The following SGCD variants were observed in gnomAD, a reference collection of about 807,000 sequenced individuals.
SGCD encodes sarcoglycan delta, also known as delta-sarcoglycan.
In SGCD, 18 loss-of-function variants were observed where a neutral mutation model predicts 36.6. The observed-to-expected ratio is 0.49, with a 90% CI of 0.34 to 0.73. The LOEUF (loss-of-function observed/expected upper bound fraction) is 0.73, where lower values mean the gene tolerates loss of function less well. Ranked by LOEUF, SGCD falls within the 30% of genes least tolerant of loss-of-function variation. SGCD has a pLI of 0.01. For synonymous variants in SGCD, 133 were observed against 130.6 expected (o/e 1.02, Z -0.12); for missense variants, 387 against 346.7 (o/e 1.12, Z -0.92).
At chr5:155,993,084 A>G (rs1758467295) in intron 1 of SGCD, among the ~76,000 whole-genome samples, 1 of 152,090 alleles carries the variant, frequency 6.6e-6, no homozygotes, top group African/African-American at 2.4e-5. Context: ...AAACCAGCCA[A>G]TCCTAAGCCT....
At chr5:156,198,624 G>A (rs910222543) in intron 3 of SGCD, among the ~76,000 whole-genome samples, 1 of 152,054 alleles carries the variant, frequency 6.6e-6, no homozygotes, top group African/African-American at 2.4e-5. Context: ...GTGGACCATG[G>A]TCCTCCATGT....
chr5:156,478,778 G>A (rs140795445), intron 3 of SGCD, among the ~76,000 whole-genome samples: 1,760 of 151,992 alleles, frequency 0.012, 36 homozygotes, highest in African/African-American at 0.041. Context: ...ACGGGGTTTT[G>A]CCATGTTGGC....
chr5:156,632,910 A>G (rs1308492133), intron 6 of SGCD, among the ~76,000 whole-genome samples: 2 of 152,158 alleles, frequency 1.3e-5, no homozygotes, highest in African/African-American at 4.8e-5. Context: ...AACAGAATCC[A>G]CCCCAGCTAG....
At chr5:156,593,761 A>G (rs978544746) in intron 5 of SGCD, among the ~76,000 whole-genome samples, 13 of 152,166 alleles carry the variant, frequency 8.5e-5, no homozygotes, top group African/African-American at 3.1e-4. Flanking sequence ...TTGTTCAACA[A>G]CAGGTGTGTT....
intron 1 of SGCD, among the ~76,000 whole-genome samples, chr5:156,019,210 A>C (rs1207108636): frequency 6.6e-6 from 1 of 152,220 alleles, no homozygotes; most frequent in Non-Finnish European, 1.5e-5. Flanking sequence ...TGAAAACTTC[A>C]CTTGAAACAT....
At chr5:156,074,124 A>C (rs1001060078) in intron 1 of SGCD, among the ~76,000 whole-genome samples, 3 of 152,210 alleles carry the variant, frequency 2.0e-5, no homozygotes, top group Admixed American at 2.0e-4. Flanking sequence ...TGGTTTATAT[A>C]AATGTTTACT....
intron 3 of SGCD, among the ~76,000 whole-genome samples, chr5:156,237,231 C>A (rs564541902): frequency 6.6e-6 from 1 of 152,294 alleles, no homozygotes; most frequent in South Asian, 2.1e-4. Context: ...TCAAATGTGA[C>A]TGGAAAAGTC....
At position 156,289,173 on chromosome 5, in the gene SGCD, A is replaced by T. The variant is rs185388311; in HGVS notation, c.-43-40361A>T. The stretch of plus-strand genomic sequence containing the variant: ...ACTGTGTGTATTGATCCCCTCGTGG[A>T]TATTCATAGCACACATTGGATACAA... On this transcript the variant is annotated intron_variant, in intron 3 of 9. Transcript: ENST00000517913. Among the ~76,000 whole-genome samples the T allele has an allele frequency of 6.5e-4, 99 of 152,284 alleles. 1 individual carries two copies. The East Asian group carries it at 0.018, about 28-fold the overall frequency.
rs77954212 is a variant in SGCD at position 156,243,227 on chromosome 5, G to T, written c.-43-86307G>T. Among the ~76,000 whole-genome samples, 367 of 152,356 alleles carry T rather than the reference G, an allele frequency of 2.4e-3. 2 individuals carry two copies. Among genetic ancestry groups the T allele is most frequent in the African/African-American group, 8.6e-3 (358 of 41,580 alleles). On this transcript the variant is annotated intron_variant, in intron 3 of 9. Transcript: ENST00000517913. Reference sequence around the variant, plus strand: ...CTCAGGGCATTAGAGCACAGGTCAGGTGAAGGAGGGCTTCCACATGGAACA... The same window carrying T: ...CTCAGGGCATTAGAGCACAGGTCAGTTGAAGGAGGGCTTCCACATGGAACA...
chr5:155,743,393 A>T, the SGCD span, among the ~76,000 whole-genome samples: 1 of 152,202 alleles, frequency 6.6e-6, no homozygotes, highest in Non-Finnish European at 1.5e-5. Context: ...TCCTCAGTCT[A>T]CAAGAATTTT....
At chr5:156,377,525 G>C (rs1460335757) in intron 3 of SGCD, among the ~76,000 whole-genome samples, 1 of 152,142 alleles carries the variant, frequency 6.6e-6, no homozygotes, top group Non-Finnish European at 1.5e-5. Flanking sequence ...ATGAAAGCAA[G>C]AATTGTTTCT....
intron 1 of SGCD, among the ~76,000 whole-genome samples, chr5:155,957,866 C>A (rs1232397860): frequency 6.6e-6 from 1 of 152,128 alleles, no homozygotes; most frequent in Non-Finnish European, 1.5e-5. Flanking sequence ...GAATATTCTG[C>A]CTACTACAGA....
chr5:156,457,211 T>C (rs762932513), intron 3 of SGCD, among the ~76,000 whole-genome samples: 1 of 152,186 alleles, frequency 6.6e-6, no homozygotes, highest in Non-Finnish European at 1.5e-5. Context: ...TCTTTAAAAA[T>C]ACAAATATTT....
At chr5:156,442,715 C>T (rs544972672) in intron 3 of SGCD, among the ~76,000 whole-genome samples, 1 of 152,268 alleles carries the variant, frequency 6.6e-6, no homozygotes, top group African/African-American at 2.4e-5. Context: ...ATTATAAATG[C>T]TTTGAATTTT....
intron 1 of SGCD, among the ~76,000 whole-genome samples, chr5:156,069,578 T>G (rs1760468577): frequency 6.6e-6 from 1 of 152,092 alleles, no homozygotes; most frequent in Non-Finnish European, 1.5e-5. Context: ...GCTTTGTTCT[T>G]TTGGCTTAGG....
chr5:156,249,018 T>C (rs966541570), intron 3 of SGCD, among the ~76,000 whole-genome samples: 8 of 152,198 alleles, frequency 5.3e-5, no homozygotes, highest in African/African-American at 1.9e-4. Context: ...TTGAGATGTA[T>C]TGAGTTCTGA....
chr5:156,074,904 A>G (rs905254511), intron 1 of SGCD, among the ~76,000 whole-genome samples: 6 of 152,212 alleles, frequency 3.9e-5, no homozygotes, highest in Non-Finnish European at 7.3e-5. Context: ...AGGGAAATGT[A>G]TAAGCACATA....
At chr5:155,829,022 A>C in the SGCD span, among the ~76,000 whole-genome samples, 10 of 152,062 alleles carry the variant, frequency 6.6e-5, no homozygotes, top group African/African-American at 2.2e-4. Context: ...TTGTCTTTGC[A>C]TGGTTCGGTC....
intron 3 of SGCD, among the ~76,000 whole-genome samples, chr5:156,423,429 A>AAATATAATATATTATATTTTATTAT (rs1773513887): frequency 2.2e-5 from 2 of 92,348 alleles, no homozygotes; most frequent in African/African-American, 8.6e-5. Context: ...TATTTTAATA[A>AAATATAATATATTATATTTTATTAT]AATATAATAT....
Sources: gnomAD v4.1 joint callset for allele counts (sites outside exome capture counted in the v4.1 genomes callset) on GRCh38, gnomAD v4.1.1 for gene constraint, MANE v1.5 for transcripts, NCBI Gene and HGNC (gene_info 2026-07-23, HGNC 2026-07-21) for gene names.